Variants in ARHGAP5 observed in about 807,000 individuals in gnomAD.
The protein encoded by ARHGAP5 is rho GTPase-activating protein 5.
Under a neutral mutation model 116.6 loss-of-function variants are expected in ARHGAP5, and 23 were observed. The ratio of observed to expected loss-of-function variants is 0.20; its 90% confidence interval spans 0.14 to 0.28. The LOEUF is 0.28. ARHGAP5 is among the 10% of genes least tolerant of loss of function. ARHGAP5 has a pLI of 1.00. For missense variants in ARHGAP5, 1,405 were observed against 1,774.8 expected, an observed-to-expected ratio of 0.79 and a Z score of 3.74; for synonymous variants, 574 against 602.0, an observed-to-expected ratio of 0.95 and a Z score of 0.68.
intron 2 of ARHGAP5, among the ~76,000 whole-genome samples, chr14:32,102,444 A>C (rs1254651148): frequency 6.6e-6 from 1 of 152,220 alleles, no homozygotes; most frequent in African/African-American, 2.4e-5. Context: ...AGCTGGGCAT[A>C]GTGATGAGCC....
At chr14:32,150,179 T>C in intron 5 of ARHGAP5, 146 bp downstream of exon 5, 1 of 626,320 alleles carries the variant, frequency 1.6e-6, no homozygotes. Flanking sequence ...GGCATTTTCC[T>C]CTAAATTAAA....
At chr14:32,089,582 C>CT (rs1387450328) in intron 1 of ARHGAP5, among the ~76,000 whole-genome samples, 1 of 151,748 alleles carries the variant, frequency 6.6e-6, no homozygotes, top group Non-Finnish European at 1.5e-5. Flanking sequence ...TCTTGTGTTG[C>CT]TAGTATATCA....
At chr14:32,128,604 C>T (rs759645582) in intron 3 of ARHGAP5, among the ~76,000 whole-genome samples, 1 of 152,246 alleles carries the variant, frequency 6.6e-6, no homozygotes, top group Non-Finnish European at 1.5e-5. Context: ...GACGCTGCCT[C>T]CCTGGGCTCG....
intron 1 of ARHGAP5, among the ~76,000 whole-genome samples, chr14:32,077,772 A>G (rs1359225614): frequency 6.6e-6 from 1 of 151,616 alleles, no homozygotes; most frequent in African/African-American, 2.4e-5. Flanking sequence ...CCGCCGCCTC[A>G]CTTGCTCGAG....
intron 1 of ARHGAP5, among the ~76,000 whole-genome samples, chr14:32,084,293 G>C (rs980874018): frequency 6.6e-6 from 1 of 152,082 alleles, no homozygotes; most frequent in Admixed American, 6.6e-5. Flanking sequence ...TGCCTACTTG[G>C]ACCCTCCTTG....
chr14:32,077,973 G>A (rs913630206), intron 1 of ARHGAP5, among the ~76,000 whole-genome samples: 17 of 152,270 alleles, frequency 1.1e-4, no homozygotes, highest in Admixed American at 1.0e-3. Context: ...ACTCCTCCCT[G>A]GGTTCTCTTC....
rs1881379524 is a variant in ARHGAP5 at position 32,146,354 on chromosome 14, T to C, written c.3943+14T>C. The C allele has an allele frequency of 1.3e-6, 2 of 1,573,348 alleles. No individual in the cohort carries two copies. Among genetic ancestry groups the C allele is most frequent in the East Asian group, 4.5e-5 (2 of 44,656 alleles). On this transcript the variant is annotated intron_variant, in intron 4 of 6. Coordinates refer to ENST00000345122, the MANE Select transcript of ARHGAP5 (RefSeq NM_001030055.2). ...AGTTTGATCAAGGTAAGAAGATGAT[T>C]ATGTGAAATAAAAATTGTTGTTTTA...
intron 2 of ARHGAP5, among the ~76,000 whole-genome samples, chr14:32,115,392 G>A (rs989330342): frequency 6.6e-5 from 10 of 152,046 alleles, no homozygotes; most frequent in Non-Finnish European, 7.4e-5. Flanking sequence ...GGCCGGGAGC[G>A]GTGGCTCATG....
Position 32,154,923 on chromosome 14 carries a change from A to G in ARHGAP5, c.4484A>G (p.Gln1495Arg), listed in dbSNP as rs1245102488. The change falls in exon 7 of 7, where the codon CAA becomes CGA. Residue 1495 changes from glutamine (Q) to arginine (R), a missense_variant. By Grantham distance (43) the Gln-to-Arg change is conservative (BLOSUM62 1). Transcript: ENST00000345122. Reference sequence around the variant, plus strand: ...CCTCAGCTGATACAACCACAATTACAAACGGATCCTCTTGGTATTATATGA... The same window carrying G: ...CCTCAGCTGATACAACCACAATTACGAACGGATCCTCTTGGTATTATATGA... ...LQPQLIQPQL[Q>R]TDPLGII 6.2e-7 allele frequency: 1 copy of G among 1,613,684 alleles called. No individual in the cohort carries two copies. The highest frequency in any genetic ancestry group is 8.5e-7 in the Non-Finnish European group (1 of 1,179,710).
At chr14:32,109,848 C>G (rs1261407791) in intron 2 of ARHGAP5, among the ~76,000 whole-genome samples, 1 of 152,108 alleles carries the variant, frequency 6.6e-6, no homozygotes, top group Non-Finnish European at 1.5e-5. Context: ...GTAGATGAGT[C>G]TTCTGGCTTC....
chr14:32,109,500 G>T (rs887453891), intron 2 of ARHGAP5, among the ~76,000 whole-genome samples: 5 of 151,780 alleles, frequency 3.3e-5, no homozygotes, highest in Non-Finnish European at 7.4e-5. Context: ...GAGGCTTTTA[G>T]TTCTGGCCTG....
At chr14:32,087,912 A>G (rs2041846078) in intron 1 of ARHGAP5, among the ~76,000 whole-genome samples, 1 of 152,038 alleles carries the variant, frequency 6.6e-6, no homozygotes, top group Non-Finnish European at 1.5e-5. Flanking sequence ...ATTTCTGTCA[A>G]AAAGCTTTCC....
chr14:32,150,411 CAG>C (rs1182186823), intron 5 of ARHGAP5, among the ~76,000 whole-genome samples: 14 of 152,240 alleles, frequency 9.2e-5, no homozygotes, highest in African/African-American at 3.1e-4. Context: ...GTTGCTGTAA[CAG>C]AATACTACAG....
intron 4 of ARHGAP5, among the ~76,000 whole-genome samples, chr14:32,148,093 C>T (rs1005874052): frequency 6.6e-6 from 1 of 152,080 alleles, no homozygotes; most frequent in Non-Finnish European, 1.5e-5. Flanking sequence ...GGGGAGGTTG[C>T]AGTGAGCTGA....
Position 32,156,269 on chromosome 14 carries a change from G to C in ARHGAP5, c.*1321G>C, listed in dbSNP as rs991297752. On this transcript the variant is annotated 3_prime_UTR_variant, in exon 7 of 7. Coordinates refer to ENST00000345122, the MANE Select transcript of ARHGAP5 (RefSeq NM_001030055.2). Reference sequence around the variant, plus strand: ...GGTAAATTTCACTAGGTTATATTTTGTGTAGTAAAGAAAAAAATTATTTGG... The same window carrying C: ...GGTAAATTTCACTAGGTTATATTTTCTGTAGTAAAGAAAAAAATTATTTGG... 1 of 152,304 alleles carries C rather than the reference G, an allele frequency of 6.6e-6. No individual in the cohort carries two copies. The highest frequency in any genetic ancestry group is 1.5e-5 in the Non-Finnish European group (1 of 67,840). The allele number at this position is 152,304 out of a possible 1,614,324, so 9.4% of individuals were successfully genotyped here.
At position 32,112,858 on chromosome 14, in the gene ARHGAP5, A is replaced by G. The variant is rs554317019; in HGVS notation, c.3718-4282A>G. Among the ~76,000 whole-genome samples the G allele has an allele frequency of 8.5e-5, 13 of 152,120 alleles. No homozygotes were observed. In the East Asian group the frequency reaches 1.9e-3, roughly 23 times the overall value. ...TGCACTCCAGCCTGGGCAATAGAAC[A>G]AGACTCCGCCTCAAAAAAAAAAAAA... is the stretch of plus-strand genomic sequence containing the variant. On this transcript the variant is annotated intron_variant, in intron 2 of 6. Transcript: ENST00000345122.
chr14:32,139,783 T>TTAAAA (rs1214653626), intron 3 of ARHGAP5, among the ~76,000 whole-genome samples: 84 of 151,546 alleles, frequency 5.5e-4, no homozygotes, highest in African/African-American at 2.0e-3. Flanking sequence ...TCCTTAAAGT[T>TTAAAA]GGAATCTTTT....
At chr14:32,115,889 G>T (rs1280295433) in intron 2 of ARHGAP5, among the ~76,000 whole-genome samples, 2 of 151,710 alleles carry the variant, frequency 1.3e-5, no homozygotes, top group Non-Finnish European at 2.9e-5. Flanking sequence ...CAGCTACTTG[G>T]AAGGCTGAGG....
intron 6 of ARHGAP5, among the ~76,000 whole-genome samples, chr14:32,153,261 A>C (rs1357546464): frequency 2.0e-5 from 3 of 149,536 alleles, no homozygotes; most frequent in Non-Finnish European, 4.5e-5. Flanking sequence ...ACAAAAATTA[A>C]CTGGGCGTGG....
Sources: allele counts gnomAD v4.1 joint callset (sites outside exome capture counted in the v4.1 genomes callset), GRCh38; gene constraint gnomAD v4.1.1; transcripts MANE v1.5; gene names NCBI Gene and HGNC (gene_info 2026-07-23, HGNC 2026-07-21).